The following HLCS variants were observed in gnomAD, a reference collection of about 807,000 sequenced individuals.
The protein encoded by HLCS is holocarboxylase synthetase, also known as biotin--protein ligase.
HLCS carries 53 observed loss-of-function variants against 75.0 expected under a neutral mutation model. The ratio of observed to expected loss-of-function variants is 0.71; its 90% confidence interval spans 0.57 to 0.89. The LOEUF is 0.89. HLCS is among the 40% of genes least tolerant of loss of function. The pLI is 0.00. For synonymous variants in HLCS, 431 were observed against 428.6 expected, an observed-to-expected ratio of 1.01 and a Z score of -0.07; for missense variants, 966 against 1,074.0, an observed-to-expected ratio of 0.90 and a Z score of 1.41.
chr21:36,802,253 G>A (rs1218593834), intron 6 of HLCS, among the ~76,000 whole-genome samples: 2 of 152,136 alleles, frequency 1.3e-5, no homozygotes, highest in African/African-American at 4.8e-5. Context: ...CAGCATAAGG[G>A]GAAAGGGACA....
intron 6 of HLCS, among the ~76,000 whole-genome samples, chr21:36,826,485 G>A (rs2062013154): frequency 6.6e-6 from 1 of 152,210 alleles, no homozygotes; most frequent in African/African-American, 2.4e-5. Flanking sequence ...GGTGCTGAAC[G>A]AAACTCTGCT....
intron 5 of HLCS, among the ~76,000 whole-genome samples, chr21:36,903,101 A>G (rs1277187024): frequency 6.6e-6 from 1 of 152,210 alleles, no homozygotes; most frequent in East Asian, 1.9e-4. Flanking sequence ...TTGCAAAGAA[A>G]CCAGAAAAGT....
At chr21:36,968,229 T>A (rs2068689005), upstream of HLCS, among the ~76,000 whole-genome samples, 1 of 152,138 alleles carries the variant, frequency 6.6e-6, no homozygotes, top group Non-Finnish European at 1.5e-5. Flanking sequence ...TCTCGAGCAG[T>A]CAAACTCCTG....
chr21:36,935,930 G>A (rs746723096), intron 4 of HLCS, among the ~76,000 whole-genome samples: 8 of 152,182 alleles, frequency 5.3e-5, no homozygotes, highest in African/African-American at 1.9e-4. Flanking sequence ...ACTTGGAAGA[G>A]TGACAAAACA....
chr21:36,878,849 T>A (rs1004310118), intron 6 of HLCS, among the ~76,000 whole-genome samples: 1 of 152,194 alleles, frequency 6.6e-6, no homozygotes, highest in Non-Finnish European at 1.5e-5. Context: ...TAATATAGTA[T>A]TACAAACTAA....
At chr21:36,879,571 T>G (rs2064124052) in intron 6 of HLCS, among the ~76,000 whole-genome samples, 1 of 152,144 alleles carries the variant, frequency 6.6e-6, no homozygotes, top group Admixed American at 6.5e-5. Flanking sequence ...TGGGGTGGGT[T>G]TATAAGGAGC....
chr21:36,937,726 T>A (rs1209805943), intron 3 of HLCS, among the ~76,000 whole-genome samples: 1 of 152,172 alleles, frequency 6.6e-6, no homozygotes. Context: ...ATTTCTTGGG[T>A]GTTATTCTCC....
intron 6 of HLCS, among the ~76,000 whole-genome samples, chr21:36,826,394 T>C (rs2062009540): frequency 6.6e-6 from 1 of 152,144 alleles, no homozygotes; most frequent in Admixed American, 6.5e-5. Context: ...ACTCAGAAGT[T>C]TGTGGAATGA....
At chr21:36,895,044 G>A (rs556801642) in intron 6 of HLCS, among the ~76,000 whole-genome samples, 10 of 148,702 alleles carry the variant, frequency 6.7e-5, no homozygotes, top group Admixed American at 1.3e-4. Flanking sequence ...TTGGTGACGC[G>A]CTGCCCTCTT....
intron 5 of HLCS, among the ~76,000 whole-genome samples, chr21:36,915,653 C>T (rs2065899330): frequency 6.6e-6 from 1 of 152,234 alleles, no homozygotes; most frequent in Admixed American, 6.5e-5. Context: ...AGAGTTTCTA[C>T]TGAAAAGTGT....
chr21:36,950,651 A>G (rs200959978), intron 2 of HLCS, among the ~76,000 whole-genome samples: 1 of 150,464 alleles, frequency 6.6e-6, no homozygotes, highest in Non-Finnish European at 1.5e-5. Flanking sequence ...TTTTTTTTTA[A>G]TTTCTTGTAG....
intron 6 of HLCS, among the ~76,000 whole-genome samples, chr21:36,781,116 C>T (rs567386886): frequency 5.2e-4 from 79 of 152,060 alleles, no homozygotes; most frequent in African/African-American, 7.2e-4. Context: ...CTGTGAACTG[C>T]GCATGCAAGG....
chr21:36,754,477 G>A, intron 10 of HLCS, 60 bp from the exon 11 acceptor site: 1 of 1,535,850 alleles, frequency 6.5e-7, no homozygotes, highest in East Asian at 2.3e-5. Flanking sequence ...TTAAGACAAT[G>A]AGCTGAAGAA....
intron 2 of HLCS, among the ~76,000 whole-genome samples, chr21:36,950,521 G>A (rs1453948070): frequency 2.6e-5 from 4 of 151,786 alleles, no homozygotes; most frequent in African/African-American, 4.8e-5. Flanking sequence ...CCAGCCTAGA[G>A]TTCAATAGCG....
At chr21:36,822,249 G>A (rs1432835063) in intron 6 of HLCS, among the ~76,000 whole-genome samples, 4 of 151,964 alleles carry the variant, frequency 2.6e-5, no homozygotes, top group South Asian at 2.1e-4. Context: ...GCAAAACCCC[G>A]TCTCTACTAA....
chr21:36,905,612 C>T (rs1308541334), intron 5 of HLCS, among the ~76,000 whole-genome samples: 1 of 152,194 alleles, frequency 6.6e-6, no homozygotes, highest in Non-Finnish European at 1.5e-5. Context: ...AAATCAGCCA[C>T]AGCACCAGTC....
intron 5 of HLCS, among the ~76,000 whole-genome samples, chr21:36,904,870 G>C (rs565603535): frequency 6.6e-6 from 1 of 152,310 alleles, no homozygotes; most frequent in South Asian, 2.1e-4. Context: ...ACCATGCAAT[G>C]TAAAAATGTT....
intron 2 of HLCS, among the ~76,000 whole-genome samples, chr21:36,940,527 C>T (rs2067096645): frequency 6.6e-6 from 1 of 151,954 alleles, no homozygotes; most frequent in African/African-American, 2.4e-5. Context: ...CTAACTCCTC[C>T]TAAAAACTAT....
intron 6 of HLCS, among the ~76,000 whole-genome samples, chr21:36,872,278 C>T (rs552012883): frequency 2.6e-5 from 4 of 151,942 alleles, no homozygotes; most frequent in African/African-American, 9.7e-5. Context: ...AAAAAATTAG[C>T]CAGGCGTGGT....
Sources: allele counts gnomAD v4.1 joint callset (sites outside exome capture counted in the v4.1 genomes callset), GRCh38; gene constraint gnomAD v4.1.1; transcripts MANE v1.5; gene names NCBI Gene and HGNC (gene_info 2026-07-23, HGNC 2026-07-21).